RFTN1: variants seen among roughly 807,000 people sequenced by gnomAD.
The protein encoded by RFTN1 is raftlin.
In RFTN1, 26 loss-of-function variants were observed where a neutral mutation model predicts 46.5. The observed-to-expected ratio is 0.56, with a 90% confidence interval of 0.41 to 0.78. The LOEUF (loss-of-function observed/expected upper bound fraction) is 0.78, where lower values mean the gene tolerates loss of function less well. Among genes scored for constraint, RFTN1 ranks in the 30% least tolerant of loss-of-function variants. The pLI is 0.00. For missense variants in RFTN1, 693 were observed against 718.7 expected, an observed-to-expected ratio of 0.96 and a Z score of 0.41; for synonymous variants, 261 against 284.2, an observed-to-expected ratio of 0.92 and a Z score of 0.82.
chr3:16,388,141 T>C (rs2074250940), intron 4 of RFTN1, among the ~76,000 whole-genome samples: 1 of 152,214 alleles, frequency 6.6e-6, no homozygotes, highest in Non-Finnish European at 1.5e-5. Context: ...TTTGTCATTG[T>C]TTCCCCCCTA....
chr3:16,389,534 T>C (rs1042543294), intron 4 of RFTN1, among the ~76,000 whole-genome samples: 1 of 152,202 alleles, frequency 6.6e-6, no homozygotes, highest in Non-Finnish European at 1.5e-5. Flanking sequence ...TAACAACTAC[T>C]GAGAATTATA....
At chr3:16,469,905 G>T (rs546476882) in intron 2 of RFTN1, among the ~76,000 whole-genome samples, 1 of 152,172 alleles carries the variant, frequency 6.6e-6, no homozygotes. Context: ...TGCCCCAGCC[G>T]CTCCAGATAT....
intron 9 of RFTN1, among the ~76,000 whole-genome samples, chr3:16,318,716 T>G (rs1261302843): frequency 6.6e-6 from 1 of 152,168 alleles, no homozygotes; most frequent in Non-Finnish European, 1.5e-5. Flanking sequence ...GATTTAACAT[T>G]TATCTGGTCC....
In RFTN1 at chr3:16,490,796, T is replaced by C. The variant is rs568795098; in HGVS notation, c.145+2929A>G. On this transcript the variant is annotated intron_variant, in intron 2 of 9. Coordinates refer to ENST00000334133, the MANE Select transcript of RFTN1 (RefSeq NM_015150.2). ...AAATAAATTATGGTACACTGAGTGA[T>C]TAAATCATATATAGCCATTAAATCA... Among the ~76,000 whole-genome samples the C allele has an allele frequency of 1.3e-4, 20 of 152,332 alleles. No homozygotes were observed. In the South Asian group the frequency reaches 3.1e-3, roughly 24 times the overall value.
In RFTN1 at chr3:16,381,485, C is replaced by T. The variant is rs553407169; in HGVS notation, c.442-3383G>A. On this transcript the variant is annotated intron_variant, in intron 4 of 9. Coordinates refer to ENST00000334133, the MANE Select transcript of RFTN1 (RefSeq NM_015150.2). The surrounding 1 kb of genome is among the most constrained non-coding windows in gnomAD (Gnocchi z 4.2). ...ATGTAACAAATGACGTGGTGTAACA[C>T]AAAAGGAAGAATAAGAAATGTGGCA... Among the ~76,000 whole-genome samples the T allele has an allele frequency of 6.6e-6, 1 of 152,120 alleles. No homozygotes were observed. Among genetic ancestry groups the T allele is most frequent in the African/African-American group, 2.4e-5 (1 of 41,496 alleles).
chr3:16,394,091 G>C (rs1338501075), intron 4 of RFTN1, among the ~76,000 whole-genome samples: 1 of 152,064 alleles, frequency 6.6e-6, no homozygotes, highest in African/African-American at 2.4e-5. Context: ...GCAGGGCTGG[G>C]CATCATGGCT....
In RFTN1 at chr3:16,407,562, C is replaced by A. The variant is rs2074888523; in HGVS notation, c.441+1813G>T. Among the ~76,000 whole-genome samples the A allele has an allele frequency of 6.6e-6, 1 of 152,090 alleles. No homozygotes were observed. On this transcript the variant is annotated intron_variant, in intron 4 of 9. Coordinates refer to ENST00000334133, the MANE Select transcript of RFTN1 (RefSeq NM_015150.2). The surrounding 1 kb of genome is among the most constrained non-coding windows in gnomAD (Gnocchi z 4.0). ...CTTATGCCTTTCTTTTACTCACTTA[C>A]CCCTCAAATATTCCAAGCATCTGAG... is the stretch of plus-strand genomic sequence containing the variant.
At chr3:16,412,051 C>T (rs771502112) in intron 3 of RFTN1, among the ~76,000 whole-genome samples, 1 of 152,196 alleles carries the variant, frequency 6.6e-6, no homozygotes, top group Non-Finnish European at 1.5e-5. Flanking sequence ...AGCTCTGGTT[C>T]ATTTCTTCAA....
At chr3:16,502,215 A>G (rs2076721951) in intron 1 of RFTN1, among the ~76,000 whole-genome samples, 1 of 152,066 alleles carries the variant, frequency 6.6e-6, no homozygotes, top group African/African-American at 2.4e-5. Context: ...AAAAAATTTA[A>G]AAAAGAAATT....
At chr3:16,508,147 G>A (rs1371478114) in intron 1 of RFTN1, among the ~76,000 whole-genome samples, 1 of 152,150 alleles carries the variant, frequency 6.6e-6, no homozygotes, top group South Asian at 2.1e-4. Context: ...CTGAGGAGTG[G>A]CTTCCTCTCT....
intron 2 of RFTN1, among the ~76,000 whole-genome samples, chr3:16,467,546 G>A (rs377582845): frequency 7.9e-5 from 12 of 152,140 alleles, no homozygotes; most frequent in East Asian, 5.8e-4. Context: ...TGCTGACCCC[G>A]GAAGGAGCCT....
chr3:16,333,831 A>C (rs1156238651), intron 7 of RFTN1, among the ~76,000 whole-genome samples: 1 of 152,232 alleles, frequency 6.6e-6, no homozygotes, highest in Non-Finnish European at 1.5e-5. Flanking sequence ...ACACCCACTA[A>C]GTGCATGAGA....
rs77156492 is a variant in RFTN1, at chr3:16,383,138, T to C, written c.442-5036A>G. Among the ~76,000 whole-genome samples the C allele has an allele frequency of 0.058, 8,888 of 152,248 alleles. 431 individuals are homozygous for C. The highest frequency in any genetic ancestry group is 0.14 in the African/African-American group (5,774 of 41,526). ...AACCTCACAGAACTACCCAAAGCCA[T>C]GCCTGGCTTTCGCTCTGAGTATCCT... On this transcript the variant is annotated intron_variant, in intron 4 of 9. Coordinates refer to ENST00000334133, the MANE Select transcript of RFTN1 (RefSeq NM_015150.2). The surrounding 1 kb of genome is among the most constrained non-coding windows in gnomAD (Gnocchi z 4.0).
chr3:16,458,992 T>C lies in RFTN1; in HGVS notation c.146-24955A>G, dbSNP rs2075961790. 6.6e-6 allele frequency among the ~76,000 whole-genome samples: 1 copy of C among 152,196 alleles called. No individual in the cohort carries two copies. ...ACTCTGTCACCAGGTTGGAGAGCAG[T>C]GATGCCATCACAGGTCACTGCAGCC... On this transcript the variant is annotated intron_variant, in intron 2 of 9. Transcript: ENST00000334133. The surrounding 1 kb of genome is among the most constrained non-coding windows in gnomAD (Gnocchi z 5.1).
At chr3:16,416,173 G>C (rs765593729) in intron 3 of RFTN1, 3 of 456,002 alleles carry the variant, frequency 6.6e-6, no homozygotes, top group South Asian at 4.7e-5. Context: ...TCTGAAAGGA[G>C]TGAGAATAAA....
chr3:16,318,335 C>T (rs1394882006), intron 9 of RFTN1, among the ~76,000 whole-genome samples: 3 of 152,108 alleles, frequency 2.0e-5, no homozygotes, highest in Non-Finnish European at 4.4e-5. Flanking sequence ...AAATCTTAGA[C>T]ATTATATAAT....
At chr3:16,331,780 C>T (rs1434045023) in intron 7 of RFTN1, among the ~76,000 whole-genome samples, 2 of 152,258 alleles carry the variant, frequency 1.3e-5, no homozygotes, top group Non-Finnish European at 2.9e-5. Flanking sequence ...GTTTCCTTCT[C>T]ATTTTGCAGG....
intron 7 of RFTN1, among the ~76,000 whole-genome samples, chr3:16,331,115 G>A (rs540225098): frequency 4.6e-5 from 7 of 152,278 alleles, no homozygotes; most frequent in South Asian, 2.1e-4. Flanking sequence ...AAGTGACTGG[G>A]GACAGTTTGC....
Position 16,457,496 on chromosome 3 carries a change from T to A in RFTN1, c.146-23459A>T, listed in dbSNP as rs11710881. Among the ~76,000 whole-genome samples, 3 of 152,180 alleles carry A rather than the reference T, an allele frequency of 2.0e-5. No homozygotes were observed. The highest frequency in any genetic ancestry group is 7.2e-5 in the African/African-American group (3 of 41,442). On this transcript the variant is annotated intron_variant, in intron 2 of 9. Transcript: ENST00000334133. The surrounding 1 kb of genome is among the most constrained non-coding windows in gnomAD (Gnocchi z 4.2). ...TATCATTATACCTTCTTTTACGATATACAAGGCATCCCAAAAGTCTCAATA... is the reference window on the plus strand; with the variant it reads ...TATCATTATACCTTCTTTTACGATAAACAAGGCATCCCAAAAGTCTCAATA...
Sources: allele counts gnomAD v4.1 joint callset (sites outside exome capture counted in the v4.1 genomes callset), GRCh38; gene constraint gnomAD v4.1.1; non-coding constraint Gnocchi (gnomAD v3.1); transcripts MANE v1.5; gene names NCBI Gene and HGNC (gene_info 2026-07-23, HGNC 2026-07-21).